The following SHROOM3 variants were observed in gnomAD, a reference collection of about 807,000 sequenced individuals.
SHROOM3 encodes the protein protein Shroom3.
A neutral mutation model predicts 138.6 loss-of-function variants in SHROOM3; 47 were observed. The ratio of observed to expected loss-of-function variants is 0.34; its 90% confidence interval spans 0.27 to 0.43. The LOEUF (loss-of-function observed/expected upper bound fraction) is 0.43. Among genes scored for constraint, SHROOM3 ranks in the 20% least tolerant of loss-of-function variants. The pLI is 1.00. For synonymous variants in SHROOM3, 1,062 were observed against 1,063.3 expected (o/e 1.00, Z 0.02); for missense variants, 2,491 against 2,596.5 (o/e 0.96, Z 0.88).
chr4:76,622,295 C>T (rs1735023710), intron 2 of SHROOM3, among the ~76,000 whole-genome samples: 1 of 152,012 alleles, frequency 6.6e-6, no homozygotes, highest in Non-Finnish European at 1.5e-5. Context: ...TGGTACAATA[C>T]TAGTTTGTAG....
chr4:76,649,020 C>G (rs1735897567), intron 2 of SHROOM3, among the ~76,000 whole-genome samples: 1 of 152,202 alleles, frequency 6.6e-6, no homozygotes, highest in South Asian at 2.1e-4. Flanking sequence ...ATAAAGGCCA[C>G]TAATTATAGC....
At chr4:76,488,114 T>C (rs1391824066) in intron 1 of SHROOM3, among the ~76,000 whole-genome samples, 1 of 152,200 alleles carries the variant, frequency 6.6e-6, no homozygotes, top group African/African-American at 2.4e-5. Context: ...GGAGTTATTA[T>C]TGAGGATGAT....
intron 1 of SHROOM3, among the ~76,000 whole-genome samples, chr4:76,494,216 C>CA (rs1731918360): frequency 6.6e-6 from 1 of 151,382 alleles, no homozygotes; most frequent in Non-Finnish European, 1.5e-5. Context: ...AAATGATTGC[C>CA]AAATTTCTGA....
At chr4:76,750,879 C>T (rs115103328) in intron 6 of SHROOM3, among the ~76,000 whole-genome samples, 3,119 of 152,054 alleles carry the variant, frequency 0.021, 120 homozygotes, top group African/African-American at 0.071. Flanking sequence ...CATCGCATAC[C>T]ACTGAATAAC....
intron 2 of SHROOM3, among the ~76,000 whole-genome samples, chr4:76,581,871 A>G (rs1363020078): frequency 6.6e-6 from 1 of 152,204 alleles, no homozygotes; most frequent in Non-Finnish European, 1.5e-5. Context: ...CTAACACATC[A>G]TCATCATCTT....
intron 2 of SHROOM3, among the ~76,000 whole-genome samples, chr4:76,694,763 A>G (rs1719671364): frequency 6.6e-6 from 1 of 152,236 alleles, no homozygotes; most frequent in Non-Finnish European, 1.5e-5. Context: ...GGCACCTGAT[A>G]GGTGTTAATT....
In SHROOM3 at chr4:76,730,843, A is replaced by G. The variant is rs1213098394; in HGVS notation, c.495A>G (p.Thr165=). ...CAGGCCGACCTCACTCGTGGCACAC[A>G]ACTAAATCTGGGGAGAAGCAACCCG... The part of the protein sequence containing the change: ...EPAGRPHSWH[T]TKSGEKQPDA... The change falls in exon 4 of 11, where the codon ACA becomes ACG. Residue 165 remains threonine, a synonymous_variant. Transcript: ENST00000296043. 1 of 1,614,132 alleles carries G rather than the reference A, an allele frequency of 6.2e-7. No individual in the cohort carries two copies. Among genetic ancestry groups the G allele is most frequent in the South Asian group, 1.1e-5 (1 of 91,078 alleles).
chr4:76,562,917 T>C (rs2110033666), intron 2 of SHROOM3, among the ~76,000 whole-genome samples: 1 of 152,332 alleles, frequency 6.6e-6, no homozygotes, highest in Admixed American at 6.5e-5. Context: ...TCTTATAAAT[T>C]GACAATCTGC....
intron 2 of SHROOM3, among the ~76,000 whole-genome samples, chr4:76,598,949 G>A (rs1039593508): frequency 6.6e-6 from 1 of 152,134 alleles, no homozygotes; most frequent in African/African-American, 2.4e-5. Flanking sequence ...GGCTGCTCCA[G>A]GTGAAAAATA....
At chr4:76,601,516 C>T (rs568481216) in intron 2 of SHROOM3, among the ~76,000 whole-genome samples, 9 of 152,176 alleles carry the variant, frequency 5.9e-5, no homozygotes, top group African/African-American at 2.2e-4. Flanking sequence ...AAAATATACT[C>T]CTTTGCTTTC....
intron 1 of SHROOM3, among the ~76,000 whole-genome samples, chr4:76,515,460 A>G (rs1231369420): frequency 2.6e-5 from 4 of 152,134 alleles, no homozygotes; most frequent in African/African-American, 7.2e-5. Context: ...TTTTCAACAC[A>G]ATAGAAATTT....
At chr4:76,720,843 C>A (rs1268435221) in intron 3 of SHROOM3, among the ~76,000 whole-genome samples, 1 of 151,724 alleles carries the variant, frequency 6.6e-6, no homozygotes, top group Non-Finnish European at 1.5e-5. Context: ...AACTCCTGAC[C>A]TCGTGGTCCG....
chr4:76,596,086 T>G (rs1464780575), intron 2 of SHROOM3, among the ~76,000 whole-genome samples: 4 of 152,164 alleles, frequency 2.6e-5, no homozygotes, highest in Non-Finnish European at 2.9e-5. Flanking sequence ...TATACTGTCA[T>G]GCACCCCATA....
intron 1 of SHROOM3, among the ~76,000 whole-genome samples, chr4:76,479,678 A>T (rs901801271): frequency 5.3e-5 from 8 of 152,192 alleles, no homozygotes; most frequent in Non-Finnish European, 1.0e-4. Flanking sequence ...ACACATAATC[A>T]TCAGATTCAC....
chr4:76,566,171 T>C (rs1012966101), intron 2 of SHROOM3, among the ~76,000 whole-genome samples: 1 of 151,064 alleles, frequency 6.6e-6, no homozygotes, highest in African/African-American at 2.4e-5. Flanking sequence ...ACTGAAAATG[T>C]ACAGCCTTTT....
intron 2 of SHROOM3, among the ~76,000 whole-genome samples, chr4:76,648,899 T>C (rs1735894786): frequency 6.6e-6 from 1 of 152,038 alleles, no homozygotes; most frequent in Non-Finnish European, 1.5e-5. Context: ...TAGGAGAGTA[T>C]CACAGAAAAT....
chr4:76,615,463 A>T (rs758787116), intron 2 of SHROOM3, among the ~76,000 whole-genome samples: 9 of 152,218 alleles, frequency 5.9e-5, no homozygotes, highest in Non-Finnish European at 1.0e-4. Flanking sequence ...GGAGGAATGC[A>T]GCGTTGTGCC....
Position 76,530,756 on chromosome 4 carries a change from A to G in SHROOM3, c.169-24853A>G, listed in dbSNP as rs1332587779. On this transcript the variant is annotated intron_variant, in intron 1 of 10. Transcript: ENST00000296043. The stretch of plus-strand genomic sequence containing the variant: ...CTGTACAAGCTTCCATAAATGGAAC[A>G]TGTAGCAGAGAGGACCAGATTGACA... 3.3e-5 allele frequency among the ~76,000 whole-genome samples: 5 copies of G among 152,212 alleles called. No homozygotes were observed. In the South Asian group the frequency reaches 1.0e-3, roughly 32 times the overall value.
intron 1 of SHROOM3, among the ~76,000 whole-genome samples, chr4:76,472,117 A>G (rs896889051): frequency 6.6e-6 from 1 of 152,214 alleles, no homozygotes; most frequent in Non-Finnish European, 1.5e-5. Context: ...ATAAATAAAT[A>G]CTAGCTCATT....
Sources: gnomAD v4.1 joint callset for allele counts (sites outside exome capture counted in the v4.1 genomes callset) on GRCh38, gnomAD v4.1.1 for gene constraint, MANE v1.5 for transcripts, NCBI Gene and HGNC (gene_info 2026-07-23, HGNC 2026-07-21) for gene names.